Variants in FER1L6 observed in about 807,000 individuals in gnomAD.
FER1L6 encodes fer-1-like protein 6.
Under a neutral mutation model 219.2 loss-of-function variants are expected in FER1L6, and 177 were observed. The observed-to-expected ratio is 0.81, with a 90% CI of 0.71 to 0.91. The LOEUF is 0.91. Ranked by LOEUF, FER1L6 falls within the 40% of genes least tolerant of loss-of-function variation. FER1L6 has a pLI of 0.00. For synonymous variants in FER1L6, 768 were observed against 824.3 expected (o/e 0.93, Z 1.17); for missense variants, 2,153 against 2,259.9 (o/e 0.95, Z 0.96).
intron 1 of FER1L6, among the ~76,000 whole-genome samples, chr8:123,939,874 A>G (rs982059150): frequency 1.3e-5 from 2 of 152,204 alleles, no homozygotes; most frequent in African/African-American, 4.8e-5. Flanking sequence ...CAGTTACTGT[A>G]TCAAATGGGG....
chr8:123,922,774 G>A (rs1157028374), intron 1 of FER1L6, among the ~76,000 whole-genome samples: 1 of 152,102 alleles, frequency 6.6e-6, no homozygotes, highest in African/African-American at 2.4e-5. Context: ...TTTATAAATC[G>A]ATGGCACACC....
chr8:123,856,831 G>C (rs1816658398), intron 1 of FER1L6, among the ~76,000 whole-genome samples: 1 of 151,978 alleles, frequency 6.6e-6, no homozygotes, highest in Non-Finnish European at 1.5e-5. Context: ...TAGAACCATT[G>C]TTAGAAAAAA....
At chr8:124,117,365 A>G (rs1301953437) in intron 39 of FER1L6, among the ~76,000 whole-genome samples, 1 of 152,234 alleles carries the variant, frequency 6.6e-6, no homozygotes, top group Non-Finnish European at 1.5e-5. Context: ...TCACTCCACT[A>G]TTGATGGATG....
At chr8:123,967,807 T>G (rs141721507) in intron 5 of FER1L6, among the ~76,000 whole-genome samples, 2,276 of 152,082 alleles carry the variant, frequency 0.015, 21 homozygotes, top group Middle Eastern at 0.041. Flanking sequence ...AATACAAAAA[T>G]TAACTGGGTG....
intron 18 of FER1L6, among the ~76,000 whole-genome samples, chr8:124,026,752 A>G (rs1221119422): frequency 6.6e-6 from 1 of 151,232 alleles, no homozygotes; most frequent in Non-Finnish European, 1.5e-5. Flanking sequence ...CCCTATTATT[A>G]AGCATGAGAA....
intron 39 of FER1L6, among the ~76,000 whole-genome samples, chr8:124,114,011 T>G (rs996900620): frequency 3.3e-4 from 50 of 152,344 alleles, no homozygotes; most frequent in African/African-American, 1.2e-3. Flanking sequence ...CCTGTTCTGC[T>G]CTACCCAAAG....
intron 18 of FER1L6, among the ~76,000 whole-genome samples, chr8:124,025,050 A>AT (rs753057369): frequency 6.7e-6 from 1 of 149,320 alleles, no homozygotes; most frequent in Non-Finnish European, 1.5e-5. Flanking sequence ...TTTTAATGGA[A>AT]TTATTTTTTT....
intron 1 of FER1L6, among the ~76,000 whole-genome samples, chr8:123,950,372 G>A (rs1056268948): frequency 6.6e-6 from 1 of 152,146 alleles, no homozygotes. Context: ...GCCCCAGGGT[G>A]GGCAGGAAGC....
At chr8:124,013,646 G>A in intron 15 of FER1L6, 115 bp downstream of exon 15, 2 of 535,526 alleles carry the variant, frequency 3.7e-6, no homozygotes, top group East Asian at 3.3e-5. Flanking sequence ...TTAGAGTGCT[G>A]TATCCATCTT....
At chr8:124,060,429 T>C in intron 23 of FER1L6, 119 bp from the exon 24 acceptor site, 1 of 1,465,228 alleles carries the variant, frequency 6.8e-7, no homozygotes, top group Non-Finnish European at 9.4e-7. Flanking sequence ...TGCAGTTCTT[T>C]CCTGGAGGAA....
At chr8:123,906,122 T>A (rs1812948426) in intron 1 of FER1L6, among the ~76,000 whole-genome samples, 1 of 152,182 alleles carries the variant, frequency 6.6e-6, no homozygotes, top group African/African-American at 2.4e-5. Flanking sequence ...TGGCTCCCAA[T>A]ACTGGGTATT....
chr8:123,868,593 T>C (rs1356737417), intron 1 of FER1L6, among the ~76,000 whole-genome samples: 1 of 152,226 alleles, frequency 6.6e-6, no homozygotes, highest in African/African-American at 2.4e-5. Context: ...GCTCACACTT[T>C]GGAAGGTGCC....
chr8:123,967,949 T>C (rs373028588), intron 5 of FER1L6, among the ~76,000 whole-genome samples: 1 of 151,732 alleles, frequency 6.6e-6, no homozygotes, highest in African/African-American at 2.4e-5. Context: ...AAGCAAGACG[T>C]TGTCTCAGGA....
intron 22 of FER1L6, among the ~76,000 whole-genome samples, chr8:124,056,414 C>T (rs1820299906): frequency 6.6e-6 from 1 of 152,230 alleles, no homozygotes; most frequent in African/African-American, 2.4e-5. Flanking sequence ...CTTTCTAGGA[C>T]TCTTTCTCTT....
At chr8:123,866,531 A>G (rs78803079) in intron 1 of FER1L6, among the ~76,000 whole-genome samples, 3,673 of 152,186 alleles carry the variant, frequency 0.024, 138 homozygotes, top group African/African-American at 0.083. Context: ...TGAATCATAC[A>G]GTAATTCTAT....
At chr8:123,879,244 A>G (rs1020641588) in intron 1 of FER1L6, among the ~76,000 whole-genome samples, 5 of 152,310 alleles carry the variant, frequency 3.3e-5, no homozygotes, top group African/African-American at 1.2e-4. Context: ...TTGAGGCTTC[A>G]GTGAGCTATA....
chr8:123,952,915 A>G (rs189105694), intron 1 of FER1L6, among the ~76,000 whole-genome samples: 5 of 152,310 alleles, frequency 3.3e-5, no homozygotes, highest in East Asian at 3.9e-4. Context: ...TTCTATTTTA[A>G]TATCACCCTG....
At chr8:123,997,313 T>C (rs1817179739) in intron 12 of FER1L6, among the ~76,000 whole-genome samples, 1 of 152,200 alleles carries the variant, frequency 6.6e-6, no homozygotes, top group African/African-American at 2.4e-5. Flanking sequence ...TTGTTGTTAT[T>C]GTTTAGCACT....
intron 1 of FER1L6, among the ~76,000 whole-genome samples, chr8:123,855,681 ATGTG>A (rs368208328): frequency 0.21 from 20,165 of 97,378 alleles, 1,401 homozygotes; most frequent in Non-Finnish European, 0.22. Flanking sequence ...TGAAAACCAT[ATGTG>A]TGTGTGTGTG....
Sources: gnomAD v4.1 joint callset for allele counts (sites outside exome capture counted in the v4.1 genomes callset) on GRCh38, gnomAD v4.1.1 for gene constraint, MANE v1.5 for transcripts, NCBI Gene and HGNC (gene_info 2026-07-23, HGNC 2026-07-21) for gene names.